NTRK2: variants seen among roughly 807,000 people sequenced by gnomAD.
The protein encoded by NTRK2 is neurotrophic receptor tyrosine kinase 2, also known as BDNF/NT-3 growth factors receptor.
Under a neutral mutation model 94.5 loss-of-function variants are expected in NTRK2, and 13 were observed. That is an observed-to-expected ratio of 0.14 (90% CI 0.09 to 0.22). The LOEUF is 0.22. NTRK2 is among the 10% of genes least tolerant of loss of function. The pLI is 1.00. For missense variants in NTRK2, 639 were observed against 1,071.2 expected, an observed-to-expected ratio of 0.60 and a Z score of 5.63; for synonymous variants, 372 against 407.4, an observed-to-expected ratio of 0.91 and a Z score of 1.05.
chr9:84,765,236 C>A (rs2065920791), intron 12 of NTRK2, among the ~76,000 whole-genome samples: 1 of 152,164 alleles, frequency 6.6e-6, no homozygotes, highest in Non-Finnish European at 1.5e-5. Context: ...CGGATAAATG[C>A]TTGAGGGGAT....
intron 12 of NTRK2, chr9:84,811,675 G>T (rs2071808315): frequency 9.4e-7 from 1 of 1,065,470 alleles, no homozygotes; most frequent in African/African-American, 1.6e-5. Context: ...GGGTAGGAAA[G>T]CTTGTCCTGA....
intron 12 of NTRK2, among the ~76,000 whole-genome samples, chr9:84,774,058 A>C (rs1411491365): frequency 6.6e-6 from 1 of 151,978 alleles, no homozygotes; most frequent in African/African-American, 2.4e-5. Flanking sequence ...GCCTGGTTTC[A>C]TTTCTTCCTT....
At chr9:84,833,630 G>A (rs1186175811) in intron 12 of NTRK2, among the ~76,000 whole-genome samples, 1 of 151,254 alleles carries the variant, frequency 6.6e-6, no homozygotes, top group African/African-American at 2.4e-5. Context: ...GAGAAAGAAA[G>A]GCAGGAAGGA....
At chr9:85,012,852 G>T (rs375835180) in intron 17 of NTRK2, among the ~76,000 whole-genome samples, 1 of 152,106 alleles carries the variant, frequency 6.6e-6, no homozygotes, top group Non-Finnish European at 1.5e-5. Flanking sequence ...GCCTTATTTT[G>T]GGAGAGTAGT....
At chr9:84,828,921 A>G (rs1000788955) in intron 12 of NTRK2, among the ~76,000 whole-genome samples, 1 of 151,996 alleles carries the variant, frequency 6.6e-6, no homozygotes, top group Non-Finnish European at 1.5e-5. Context: ...TTACTGACAA[A>G]TGTGGACCCT....
intron 8 of NTRK2, among the ~76,000 whole-genome samples, chr9:84,724,960 G>A (rs1460142967): frequency 2.0e-5 from 3 of 152,094 alleles, no homozygotes; most frequent in Admixed American, 6.5e-5. Context: ...TTAAACATAA[G>A]TACATTGTTT....
At chr9:84,888,369 G>A (rs574739328) in intron 14 of NTRK2, among the ~76,000 whole-genome samples, 5 of 151,892 alleles carry the variant, frequency 3.3e-5, no homozygotes, top group African/African-American at 7.2e-5. Flanking sequence ...AGAACACTTC[G>A]GGAGGACATG....
rs74805391 is a variant in NTRK2 at position 84,870,642 on chromosome 9, T to C, written c.1633+3211T>C. On this transcript the variant is annotated intron_variant, in intron 14 of 18. Coordinates refer to ENST00000277120, the MANE Select transcript of NTRK2 (RefSeq NM_006180.6). ...GGAGGGAATGCAGGCATGAGCCCCA[T>C]TGAATATTTTTTACAAATGAGCTTT... 4.6e-3 allele frequency among the ~76,000 whole-genome samples: 706 copies of C among 151,972 alleles called. 13 individuals carry two copies. Among genetic ancestry groups the C allele is most frequent in the Admixed American group, 0.038 (574 of 15,224 alleles).
At chr9:84,984,873 T>C (rs1828108923) in intron 17 of NTRK2, among the ~76,000 whole-genome samples, 1 of 152,264 alleles carries the variant, frequency 6.6e-6, no homozygotes, top group African/African-American at 2.4e-5. Context: ...TCCTGTATCT[T>C]CAGCAGGTTG....
At chr9:84,878,372 G>A (rs896023398) in intron 14 of NTRK2, among the ~76,000 whole-genome samples, 5 of 151,642 alleles carry the variant, frequency 3.3e-5, no homozygotes, top group African/African-American at 1.2e-4. Flanking sequence ...ATGGTGGCTC[G>A]CGTCTGTAAT....
At chr9:84,813,066 T>G in intron 12 of NTRK2, 2 of 1,039,256 alleles carry the variant, frequency 1.9e-6, no homozygotes, top group African/African-American at 1.7e-5. Context: ...AATGTGCTTT[T>G]TAGAGCTTCC....
intron 2 of NTRK2, among the ~76,000 whole-genome samples, chr9:84,696,376 A>G (rs1377672361): frequency 6.6e-6 from 1 of 152,222 alleles, no homozygotes; most frequent in East Asian, 1.9e-4. Flanking sequence ...AATCTAAATT[A>G]GCTTTTAGAT....
intron 12 of NTRK2, among the ~76,000 whole-genome samples, chr9:84,803,442 C>A (rs1163336655): frequency 6.6e-6 from 1 of 152,208 alleles, no homozygotes; most frequent in Non-Finnish European, 1.5e-5. Flanking sequence ...ATATGCGGCC[C>A]TACCTTGGTC....
At position 85,023,184 on chromosome 9, in the gene NTRK2, C is replaced by T. The variant is rs1430935139; in HGVS notation, c.*1747C>T. 1 of 233,050 alleles carries T rather than the reference C, an allele frequency of 4.3e-6. No individual in the cohort carries two copies. The highest frequency in any genetic ancestry group is 8.5e-6 in the Non-Finnish European group (1 of 117,908). The allele number at this position is 233,050 out of a possible 1,614,324, so 14.4% of individuals were successfully genotyped here. Reference sequence around the variant, plus strand: ...AGAAATTTACAGCTATTTGAATGGTCAGATATACCAAGAAAGAAAAATATT... The same window carrying T: ...AGAAATTTACAGCTATTTGAATGGTTAGATATACCAAGAAAGAAAAATATT... On this transcript the variant is annotated 3_prime_UTR_variant, in exon 19 of 19. Transcript: ENST00000277120.
chr9:84,777,704 C>G (rs1319080341), intron 12 of NTRK2, among the ~76,000 whole-genome samples: 3 of 152,064 alleles, frequency 2.0e-5, no homozygotes, highest in African/African-American at 7.2e-5. Flanking sequence ...TCAGCCAGCT[C>G]AAAAAAGTCC....
At chr9:84,801,299 G>A (rs1588695207) in intron 12 of NTRK2, among the ~76,000 whole-genome samples, 1 of 152,190 alleles carries the variant, frequency 6.6e-6, no homozygotes, top group East Asian at 1.9e-4. Flanking sequence ...CTAACCAGCG[G>A]CAGGTGGGTT....
In NTRK2 at chr9:84,669,840, G is replaced by A. The variant is rs1227058413; in HGVS notation, c.-421G>A. 1 of 152,614 alleles carries A rather than the reference G, an allele frequency of 6.6e-6. No homozygotes were observed. Among genetic ancestry groups the A allele is most frequent in the Non-Finnish European group, 1.5e-5 (1 of 68,166 alleles). The allele number at this position is 152,614 out of a possible 1,614,324, so 9.5% of individuals were successfully genotyped here. A position where few individuals can be genotyped will look rare whatever the true frequency, so the allele number is the denominator to read the frequency against. ...ACGCGCTCAGTCCCCGGCGGTAGCA[G>A]GAGCCTGGACCCAGGCGCCGCCGGC... On this transcript the variant is annotated 5_prime_UTR_variant, in exon 1 of 19. Coordinates refer to ENST00000277120, the MANE Select transcript of NTRK2 (RefSeq NM_006180.6). This position sits in a 1 kb window ranked among gnomAD's most constrained non-coding sequence, Gnocchi z 4.1.
chr9:84,719,141 A>G (rs1488906360), intron 6 of NTRK2, among the ~76,000 whole-genome samples: 1 of 152,198 alleles, frequency 6.6e-6, no homozygotes, highest in Non-Finnish European at 1.5e-5. Flanking sequence ...GATGAAATGG[A>G]TATGTACAGC....
chr9:84,753,544 CT>C (rs1484787415), intron 12 of NTRK2, among the ~76,000 whole-genome samples: 1 of 152,136 alleles, frequency 6.6e-6, no homozygotes, highest in Non-Finnish European at 1.5e-5. Flanking sequence ...GCCAGGCCCC[CT>C]TCAGAATGTG....
Sources: gnomAD v4.1 joint callset for allele counts (sites outside exome capture counted in the v4.1 genomes callset) on GRCh38, gnomAD v4.1.1 for gene constraint, Gnocchi (gnomAD v3.1) non-coding constraint, MANE v1.5 for transcripts, NCBI Gene and HGNC (gene_info 2026-07-23, HGNC 2026-07-21) for gene names.